The following RHOBTB1 variants were observed in gnomAD, a reference collection of about 807,000 sequenced individuals.
The protein encoded by RHOBTB1 is rho-related BTB domain-containing protein 1.
RHOBTB1 carries 40 observed loss-of-function variants against 71.6 expected under a neutral mutation model. The observed-to-expected ratio is 0.56, with a 90% CI of 0.43 to 0.73. RHOBTB1 has a LOEUF of 0.73. Ranked by LOEUF, RHOBTB1 falls within the 30% of genes least tolerant of loss-of-function variation. The pLI is 0.00. For missense variants in RHOBTB1, 797 were observed against 894.0 expected (o/e 0.89, Z 1.38); for synonymous variants, 319 against 334.9 (o/e 0.95, Z 0.52).
chr10:60,929,183 T>A (rs1043413159), intron 2 of RHOBTB1, among the ~76,000 whole-genome samples: 1 of 151,882 alleles, frequency 6.6e-6, no homozygotes, highest in Non-Finnish European at 1.5e-5. Context: ...GAGATTTGGG[T>A]GGGGACACAG....
At chr10:60,915,760 T>TTATTGCTGTCATG (rs2083238071) in intron 2 of RHOBTB1, among the ~76,000 whole-genome samples, 2 of 152,162 alleles carry the variant, frequency 1.3e-5, no homozygotes, top group African/African-American at 4.8e-5. Flanking sequence ...GATCATCCTA[T>TTATTGCTGTCATG]ACCTGCCCGC....
chr10:60,950,095 T>C (rs2085361433), intron 2 of RHOBTB1, among the ~76,000 whole-genome samples: 4 of 152,214 alleles, frequency 2.6e-5, no homozygotes, highest in African/African-American at 7.2e-5. Context: ...GGTGTTCCAC[T>C]GGTCTAGCTC....
chr10:60,964,542 C>A (rs2085894845), intron 2 of RHOBTB1, among the ~76,000 whole-genome samples: 1 of 152,214 alleles, frequency 6.6e-6, no homozygotes, highest in Non-Finnish European at 1.5e-5. Context: ...GTCACTCTTG[C>A]CAGATAAAAA....
chr10:60,866,268 C>A (rs2080635156), downstream of RHOBTB1, among the ~76,000 whole-genome samples: 1 of 152,174 alleles, frequency 6.6e-6, no homozygotes, highest in Non-Finnish European at 1.5e-5. Flanking sequence ...CTATGGGAGG[C>A]TAGGCAGCCC....
intron 2 of RHOBTB1, among the ~76,000 whole-genome samples, chr10:60,956,629 A>G (rs1342107171): frequency 6.6e-6 from 1 of 151,968 alleles, no homozygotes; most frequent in Non-Finnish European, 1.5e-5. Context: ...TATTTTTAAA[A>G]GTGTTTTATT....
intron 2 of RHOBTB1, among the ~76,000 whole-genome samples, chr10:60,973,103 A>C (rs1228982924): frequency 1.3e-5 from 2 of 151,906 alleles, no homozygotes; most frequent in East Asian, 1.9e-4. Flanking sequence ...TTTTTTTATG[A>C]TTTTCTCTAG....
At chr10:60,983,387 A>G (rs1381670677) in intron 2 of RHOBTB1, among the ~76,000 whole-genome samples, 1 of 152,208 alleles carries the variant, frequency 6.6e-6, no homozygotes, top group Non-Finnish European at 1.5e-5. Context: ...AGGGCATCAA[A>G]AATTGTTTTT....
chr10:60,956,290 G>A (rs894936397), intron 2 of RHOBTB1, among the ~76,000 whole-genome samples: 7 of 152,102 alleles, frequency 4.6e-5, no homozygotes, highest in Non-Finnish European at 2.9e-5. Context: ...TGCCTGTATA[G>A]GGCATTTACT....
intron 2 of RHOBTB1, among the ~76,000 whole-genome samples, chr10:60,958,194 TA>T (rs1365548276): frequency 2.6e-5 from 4 of 152,166 alleles, no homozygotes; most frequent in Non-Finnish European, 4.4e-5. Flanking sequence ...CCCATTTTTA[TA>T]TGCATAAGGT....
chr10:60,904,363 A>G (rs1057432390), intron 4 of RHOBTB1, among the ~76,000 whole-genome samples: 2 of 152,226 alleles, frequency 1.3e-5, no homozygotes, highest in African/African-American at 4.8e-5. Context: ...CATCATCATG[A>G]TCAAAATGGC....
chr10:60,991,253 C>T (rs975258001), intron 1 of RHOBTB1, among the ~76,000 whole-genome samples: 1 of 152,024 alleles, frequency 6.6e-6, no homozygotes, highest in Non-Finnish European at 1.5e-5. Flanking sequence ...ACTCCCCACA[C>T]CCCCACCAAA....
chr10:60,952,685 T>C (rs1234538776), intron 2 of RHOBTB1, among the ~76,000 whole-genome samples: 1 of 152,260 alleles, frequency 6.6e-6, no homozygotes, highest in Non-Finnish European at 1.5e-5. Flanking sequence ...TTACAATGCA[T>C]GACATCATCC....
rs2082769986 is a variant in RHOBTB1, at chr10:60,908,089, A to G, written c.296+2798T>C. On this transcript the variant is annotated intron_variant, in intron 4 of 10. Coordinates refer to ENST00000337910, the MANE Select transcript of RHOBTB1 (RefSeq NM_014836.5). ...AATAGTTCCATTTAAATCATAAGAG[A>G]GCAATAACACTGTGGTTATACCACA... is the stretch of plus-strand genomic sequence containing the variant. Among the ~76,000 whole-genome samples the G allele has an allele frequency of 2.0e-5, 3 of 152,204 alleles. No individual in the cohort carries two copies. The South Asian group carries it at 6.2e-4, about 32-fold the overall frequency.
Position 60,883,049 on chromosome 10 carries a change from C to T in RHOBTB1, c.1575+3063G>A, listed in dbSNP as rs140214457. On this transcript the variant is annotated intron_variant, in intron 7 of 10. Transcript: ENST00000337910. ...GGTTTAGAGTGAGCCACTTCCCCAA[C>T]GTCAAGCTGAGAGTATATTATAGTT... Among the ~76,000 whole-genome samples the T allele has an allele frequency of 2.7e-3, 415 of 152,226 alleles. 1 individual carries two copies. Among genetic ancestry groups the T allele is most frequent in the African/African-American group, 9.4e-3 (390 of 41,548 alleles).
At chr10:60,886,375 T>C in intron 6 of RHOBTB1, 145 bp from the exon 7 acceptor site, 1 of 621,528 alleles carries the variant, frequency 1.6e-6, no homozygotes. Context: ...AATCCCCATC[T>C]TTGAGCTTTG....
At chr10:61,001,621 C>G (rs1362619036), upstream of RHOBTB1, among the ~76,000 whole-genome samples, 4 of 151,938 alleles carry the variant, frequency 2.6e-5, no homozygotes, top group Non-Finnish European at 5.9e-5. Context: ...GCGGGGACCA[C>G]GGGTCCCTCC....
At chr10:60,932,011 T>C (rs1053229368) in intron 2 of RHOBTB1, among the ~76,000 whole-genome samples, 2 of 152,186 alleles carry the variant, frequency 1.3e-5, no homozygotes, top group Non-Finnish European at 2.9e-5. Context: ...CAATCAATTG[T>C]AGTTAAAGAT....
At chr10:60,938,626 T>C (rs377554492) in intron 2 of RHOBTB1, among the ~76,000 whole-genome samples, 146 of 152,272 alleles carry the variant, frequency 9.6e-4, no homozygotes, top group African/African-American at 3.2e-3. Flanking sequence ...CAAATTTAAA[T>C]ACAAAATTTA....
At chr10:60,971,176 A>C (rs955821902) in intron 2 of RHOBTB1, among the ~76,000 whole-genome samples, 1 of 152,022 alleles carries the variant, frequency 6.6e-6, no homozygotes, top group Non-Finnish European at 1.5e-5. Context: ...GTATTTGTAG[A>C]AATTATTTAT....
Sources: allele counts gnomAD v4.1 joint callset (sites outside exome capture counted in the v4.1 genomes callset), GRCh38; gene constraint gnomAD v4.1.1; transcripts MANE v1.5; gene names NCBI Gene and HGNC (gene_info 2026-07-23, HGNC 2026-07-21).